CNTNAP2: variants seen among roughly 807,000 people sequenced by gnomAD.
CNTNAP2 encodes the protein contactin associated protein 2, also known as contactin-associated protein-like 2.
CNTNAP2 carries 98 observed loss-of-function variants against 155.2 expected under a neutral mutation model. That is an observed-to-expected ratio of 0.63 (90% CI 0.54 to 0.75). The LOEUF is 0.75. Ranked by LOEUF, CNTNAP2 falls within the 30% of genes least tolerant of loss-of-function variation. CNTNAP2 has a pLI of 0.00. For missense variants in CNTNAP2, 1,727 were observed against 1,688.1 expected (o/e 1.02, Z -0.40); for synonymous variants, 651 against 631.2 (o/e 1.03, Z -0.47).
intron 1 of CNTNAP2, among the ~76,000 whole-genome samples, chr7:146,372,721 T>A (rs1269783008): frequency 6.6e-6 from 1 of 152,158 alleles, no homozygotes; most frequent in African/African-American, 2.4e-5. Flanking sequence ...TTAGTAGAGT[T>A]GAGGAACATC....
intron 13 of CNTNAP2, among the ~76,000 whole-genome samples, chr7:147,692,141 T>C (rs909830977): frequency 6.6e-6 from 1 of 152,136 alleles, no homozygotes; most frequent in Non-Finnish European, 1.5e-5. Flanking sequence ...GCTTCTTTCA[T>C]GTAATAATAT....
At chr7:147,299,120 A>G (rs950815169) in intron 8 of CNTNAP2, among the ~76,000 whole-genome samples, 2 of 152,084 alleles carry the variant, frequency 1.3e-5, no homozygotes, top group African/African-American at 4.8e-5. Context: ...GAATAGCACA[A>G]AATACCCCCC....
intron 1 of CNTNAP2, among the ~76,000 whole-genome samples, chr7:146,162,387 C>G (rs1237652607): frequency 6.6e-6 from 1 of 152,142 alleles, no homozygotes; most frequent in Non-Finnish European, 1.5e-5. Flanking sequence ...GTTTATGCAG[C>G]CAACAGACAC....
At chr7:146,845,288 C>T (rs1462846579) in intron 3 of CNTNAP2, among the ~76,000 whole-genome samples, 1 of 152,102 alleles carries the variant, frequency 6.6e-6, no homozygotes, top group Non-Finnish European at 1.5e-5. Flanking sequence ...TTTGAGTTAG[C>T]CTGTAATTAG....
intron 14 of CNTNAP2, among the ~76,000 whole-genome samples, chr7:147,936,567 T>C (rs1296142661): frequency 6.6e-6 from 1 of 152,200 alleles, no homozygotes; most frequent in East Asian, 1.9e-4. Flanking sequence ...TTTGCTTCAT[T>C]CAACTATGAA....
intron 21 of CNTNAP2, among the ~76,000 whole-genome samples, chr7:148,373,849 T>C (rs1014125692): frequency 2.0e-4 from 31 of 152,206 alleles, no homozygotes; most frequent in African/African-American, 7.5e-4. Context: ...CCAGTGGGTC[T>C]CCGGACTGTG....
chr7:146,502,473 C>A (rs768199335), intron 1 of CNTNAP2, among the ~76,000 whole-genome samples: 4 of 151,616 alleles, frequency 2.6e-5, no homozygotes, highest in Non-Finnish European at 4.4e-5. Context: ...TACTGTTTTC[C>A]ATACTGTCTC....
intron 1 of CNTNAP2, among the ~76,000 whole-genome samples, chr7:146,469,179 C>A (rs1796757945): frequency 6.6e-6 from 1 of 152,142 alleles, no homozygotes; most frequent in South Asian, 2.1e-4. Flanking sequence ...TACCTGTCGC[C>A]CCCTTTGGGG....
At chr7:147,650,931 T>C (rs1305456358) in intron 13 of CNTNAP2, among the ~76,000 whole-genome samples, 1 of 152,186 alleles carries the variant, frequency 6.6e-6, no homozygotes, top group African/African-American at 2.4e-5. Context: ...CTGAATAAAT[T>C]TAGAATTCAT....
chr7:146,275,264 G>T (rs531121914), intron 1 of CNTNAP2, among the ~76,000 whole-genome samples: 1 of 151,904 alleles, frequency 6.6e-6, no homozygotes, highest in Non-Finnish European at 1.5e-5. Context: ...ATATTTATTT[G>T]TAATCATTCA....
intron 11 of CNTNAP2, among the ~76,000 whole-genome samples, chr7:147,532,857 T>G (rs1411230613): frequency 6.6e-6 from 1 of 152,154 alleles, no homozygotes; most frequent in Non-Finnish European, 1.5e-5. Flanking sequence ...GCCCCCATGA[T>G]TCAATTACCT....
At chr7:146,723,477 C>A (rs901172227) in intron 1 of CNTNAP2, among the ~76,000 whole-genome samples, 10 of 152,130 alleles carry the variant, frequency 6.6e-5, no homozygotes, top group Admixed American at 6.5e-5. Context: ...TTTAGACTTA[C>A]TAAAATTATA....
At chr7:148,018,783 A>G (rs1802227095) in intron 15 of CNTNAP2, among the ~76,000 whole-genome samples, 1 of 152,220 alleles carries the variant, frequency 6.6e-6, no homozygotes, top group Non-Finnish European at 1.5e-5. Context: ...TTTGACTCTC[A>G]CCACAAAACA....
chr7:146,863,385 T>A (rs569907361), intron 3 of CNTNAP2, among the ~76,000 whole-genome samples: 1 of 151,968 alleles, frequency 6.6e-6, no homozygotes, highest in East Asian at 1.9e-4. Context: ...AGATGAAGAG[T>A]TATCAATAGC....
intron 1 of CNTNAP2, among the ~76,000 whole-genome samples, chr7:146,587,915 C>T (rs557696090): frequency 6.6e-6 from 1 of 152,176 alleles, no homozygotes; most frequent in African/African-American, 2.4e-5. Flanking sequence ...CTCAGGTGAT[C>T]TGCCCACCTC....
intron 13 of CNTNAP2, among the ~76,000 whole-genome samples, chr7:147,757,737 G>A (rs937546722): frequency 4.6e-5 from 7 of 152,050 alleles, no homozygotes; most frequent in African/African-American, 1.7e-4. Context: ...TCTTAGCCTG[G>A]ATCTTAATAA....
intron 13 of CNTNAP2, among the ~76,000 whole-genome samples, chr7:147,653,988 A>G (rs1475806928): frequency 6.6e-6 from 1 of 152,240 alleles, no homozygotes; most frequent in African/African-American, 2.4e-5. Context: ...AAGAAGCTTA[A>G]TATGTAAACG....
chr7:146,621,347 A>G (rs1306765475), intron 1 of CNTNAP2, among the ~76,000 whole-genome samples: 1 of 152,198 alleles, frequency 6.6e-6, no homozygotes, highest in Non-Finnish European at 1.5e-5. Flanking sequence ...ATATGCATAT[A>G]TTAAGCCTAA....
chr7:148,334,257 C>T (rs186988303), intron 21 of CNTNAP2, among the ~76,000 whole-genome samples: 118 of 152,172 alleles, frequency 7.8e-4, no homozygotes, highest in African/African-American at 2.6e-3. Flanking sequence ...CATGAGGGAT[C>T]CCAGGGTCTC....
Sources: allele counts gnomAD v4.1 joint callset (sites outside exome capture counted in the v4.1 genomes callset), GRCh38; gene constraint gnomAD v4.1.1; transcripts MANE v1.5; gene names NCBI Gene and HGNC (gene_info 2026-07-23, HGNC 2026-07-21).